Variants in MERTK observed in about 807,000 individuals in gnomAD.
MERTK encodes tyrosine-protein kinase Mer.
A neutral mutation model predicts 99.3 loss-of-function variants in MERTK; 69 were observed. The observed-to-expected ratio is 0.70, with a 90% CI of 0.57 to 0.85. The LOEUF (loss-of-function observed/expected upper bound fraction) is 0.85. Ranked by LOEUF, MERTK falls within the 40% of genes least tolerant of loss-of-function variation. The pLI, the probability that MERTK is intolerant of heterozygous loss-of-function variation, is 0.00. For synonymous variants in MERTK, 426 were observed against 467.6 expected (o/e 0.91, Z 1.15); for missense variants, 1,125 against 1,249.4 (o/e 0.90, Z 1.50).
Position 111,961,091 on chromosome 2 carries a change from C to T in MERTK, c.758-4100C>T, listed in dbSNP as rs1685241024. On this transcript the variant is annotated intron_variant, in intron 4 of 18. Transcript: ENST00000295408. ...TCATGCCTCACTTGAGAAGAAGTGA[C>T]CAAAATATGAAAGTAGATGGCTTCT... 2.6e-5 allele frequency among the ~76,000 whole-genome samples: 4 copies of T among 151,342 alleles called. No individual in the cohort carries two copies. In the South Asian group the frequency reaches 6.3e-4, roughly 24 times the overall value.
chr2:111,966,380 A>T (rs1254892988), intron 5 of MERTK, among the ~76,000 whole-genome samples: 1 of 152,206 alleles, frequency 6.6e-6, no homozygotes, highest in Admixed American at 6.5e-5. Flanking sequence ...TAACCAAACT[A>T]AAAGTTATTA....
At chr2:111,913,737 TG>T in intron 1 of MERTK, among the ~76,000 whole-genome samples, 1 of 152,052 alleles carries the variant, frequency 6.6e-6, no homozygotes, top group East Asian at 1.9e-4. Context: ...TTGATAGAGG[TG>T]GGGTTTCACC....
rs977781113 is a variant in MERTK at position 111,991,016 on chromosome 2, C to T, written c.1297-3235C>T. On this transcript the variant is annotated intron_variant, in intron 8 of 18. Transcript: ENST00000295408. The stretch of plus-strand genomic sequence containing the variant: ...AGCAGGCCAGTGTTCCGCATCAGGC[C>T]GTGAGGCTTGTCCTTTGGAGGAGCT... Among the ~76,000 whole-genome samples, 3 of 152,160 alleles carry T rather than the reference C, an allele frequency of 2.0e-5. No individual in the cohort carries two copies. In the East Asian group the frequency reaches 5.8e-4, roughly 29 times the overall value.
chr2:111,965,395 T>C (rs1685341505), intron 5 of MERTK, 118 bp downstream of exon 5: 1 of 971,596 alleles, frequency 1.0e-6, no homozygotes, highest in South Asian at 1.4e-5. Context: ...CAAGGTTCTT[T>C]GTGACCTTGG....
At chr2:111,944,505 T>G (rs1684923873) in intron 2 of MERTK, among the ~76,000 whole-genome samples, 1 of 152,428 alleles carries the variant, frequency 6.6e-6, no homozygotes, top group South Asian at 2.1e-4. Flanking sequence ...ATGAATTCCT[T>G]AAAATAATTC....
At chr2:112,016,181 T>C (rs1221453873) in intron 15 of MERTK, among the ~76,000 whole-genome samples, 1 of 152,212 alleles carries the variant, frequency 6.6e-6, no homozygotes, top group Non-Finnish European at 1.5e-5. Flanking sequence ...AATCAGCTTA[T>C]CTGTGTCTGG....
intron 2 of MERTK, among the ~76,000 whole-genome samples, chr2:111,934,543 C>A (rs945742126): frequency 7.9e-5 from 12 of 151,946 alleles, no homozygotes; most frequent in African/African-American, 2.9e-4. Context: ...CTGTTCATAT[C>A]CTTTGCCCAC....
At chr2:111,933,220 G>A (rs1476251576) in intron 2 of MERTK, among the ~76,000 whole-genome samples, 1 of 152,194 alleles carries the variant, frequency 6.6e-6, no homozygotes, top group Non-Finnish European at 1.5e-5. Flanking sequence ...CAGTGAGCTA[G>A]TCTTACTTAA....
chr2:111,912,479 C>A (rs1270152654), intron 1 of MERTK, among the ~76,000 whole-genome samples: 2 of 152,108 alleles, frequency 1.3e-5, no homozygotes, highest in African/African-American at 4.8e-5. Context: ...AAACCCCTAT[C>A]CAAGTTAAGA....
chr2:111,954,523 A>G (rs1685113774), intron 4 of MERTK, among the ~76,000 whole-genome samples: 1 of 152,232 alleles, frequency 6.6e-6, no homozygotes, highest in Admixed American at 6.5e-5. Flanking sequence ...GCACATAAGA[A>G]CTATGTGAAT....
intron 10 of MERTK, among the ~76,000 whole-genome samples, chr2:111,998,244 A>C (rs1023741352): frequency 2.0e-5 from 3 of 152,212 alleles, no homozygotes; most frequent in African/African-American, 7.2e-5. Flanking sequence ...TAGTATGTGA[A>C]TTCTAAGAAT....
chr2:112,003,877 C>A, intron 12 of MERTK, 27 bp from the exon 13 acceptor site: 1 of 1,566,876 alleles, frequency 6.4e-7, no homozygotes, highest in Non-Finnish European at 8.8e-7. Flanking sequence ...TGCACAGTGT[C>A]CATACAGGTG....
intron 2 of MERTK, among the ~76,000 whole-genome samples, chr2:111,944,384 A>G (rs761143508): frequency 8.2e-5 from 1 of 12,260 alleles, no homozygotes; most frequent in Non-Finnish European, 1.6e-4. Flanking sequence ...CCGAACCTAT[A>G]GGATCTGTGT....
intron 14 of MERTK, among the ~76,000 whole-genome samples, chr2:112,008,992 A>G (rs1677041861): frequency 6.6e-6 from 1 of 152,230 alleles, no homozygotes; most frequent in African/African-American, 2.4e-5. Flanking sequence ...TTGGCTTTGC[A>G]GCTCCATTAG....
chr2:111,936,207 C>T (rs1035842012), intron 2 of MERTK, among the ~76,000 whole-genome samples: 4 of 152,006 alleles, frequency 2.6e-5, no homozygotes, highest in African/African-American at 2.4e-5. Flanking sequence ...TGAGCCACTG[C>T]GCCCGGCAAG....
chr2:111,960,219 G>A (rs1419362019), intron 4 of MERTK, among the ~76,000 whole-genome samples: 2 of 152,026 alleles, frequency 1.3e-5, no homozygotes, highest in African/African-American at 2.4e-5. Context: ...GGTGGCTCAC[G>A]CCTGTAATCC....
At chr2:111,942,239 G>A (rs1684878072) in intron 2 of MERTK, among the ~76,000 whole-genome samples, 1 of 152,198 alleles carries the variant, frequency 6.6e-6, no homozygotes, top group Non-Finnish European at 1.5e-5. Flanking sequence ...GAGCCCCTGG[G>A]TCTTGCCTCA....
At chr2:111,914,108 T>C (rs1307020591) in intron 1 of MERTK, among the ~76,000 whole-genome samples, 8 of 134,606 alleles carry the variant, frequency 5.9e-5, no homozygotes, top group South Asian at 2.5e-4. Context: ...TTTCTTTTTT[T>C]TTTTTTTTTT....
At chr2:111,926,376 G>A (rs1040553063) in intron 1 of MERTK, among the ~76,000 whole-genome samples, 7 of 152,180 alleles carry the variant, frequency 4.6e-5, no homozygotes, top group African/African-American at 1.7e-4. Context: ...TGAATAGGAA[G>A]AACCACAGAT....
Sources: allele counts gnomAD v4.1 joint callset (sites outside exome capture counted in the v4.1 genomes callset), GRCh38; gene constraint gnomAD v4.1.1; transcripts MANE v1.5; gene names NCBI Gene and HGNC (gene_info 2026-07-23, HGNC 2026-07-21).